OPCML: variants seen among roughly 807,000 people sequenced by gnomAD.
OPCML encodes opioid binding protein/cell adhesion molecule like.
Under a neutral mutation model 37.8 loss-of-function variants are expected in OPCML, and 13 were observed. The ratio of observed to expected loss-of-function variants is 0.34; its 90% CI spans 0.22 to 0.55. OPCML has a LOEUF of 0.55. Among genes scored for constraint, OPCML ranks in the 20% least tolerant of loss-of-function variants. The pLI, the probability that OPCML is intolerant of heterozygous loss-of-function variation, is 0.91. For synonymous variants in OPCML, 176 were observed against 168.8 expected, an observed-to-expected ratio of 1.04 and a Z score of -0.33; for missense variants, 341 against 435.6, an observed-to-expected ratio of 0.78 and a Z score of 1.93.
chr11:133,145,683 G>A (rs754048), intron 1 of OPCML, among the ~76,000 whole-genome samples: 21,800 of 152,230 alleles, frequency 0.14, 1,750 homozygotes, highest in East Asian at 0.2. Context: ...ATAAGAAAGA[G>A]CGTGGAGGTA....
At chr11:132,575,352 T>C (rs2096447922) in intron 3 of OPCML, among the ~76,000 whole-genome samples, 1 of 152,032 alleles carries the variant, frequency 6.6e-6, no homozygotes, top group African/African-American at 2.4e-5. Flanking sequence ...TTCCTTTGTG[T>C]TTTACTATTT....
chr11:132,982,066 C>T (rs552166173), intron 1 of OPCML, among the ~76,000 whole-genome samples: 76 of 152,226 alleles, frequency 5.0e-4, no homozygotes, highest in South Asian at 2.5e-3. Context: ...TTCTACGGCT[C>T]GAATACGGGC....
At chr11:132,866,938 G>A (rs1421210557) in intron 2 of OPCML, among the ~76,000 whole-genome samples, 1 of 152,186 alleles carries the variant, frequency 6.6e-6, no homozygotes, top group African/African-American at 2.4e-5. Flanking sequence ...ACTTCTAAAT[G>A]TGTGAGTAGT....
chr11:132,498,977 T>C (rs2096239818), intron 4 of OPCML, among the ~76,000 whole-genome samples: 1 of 152,252 alleles, frequency 6.6e-6, no homozygotes, highest in Admixed American at 6.5e-5. Flanking sequence ...GTACAATTCC[T>C]ATGGAGATAC....
intron 7 of OPCML, among the ~76,000 whole-genome samples, chr11:132,434,983 A>G (rs1159068832): frequency 6.6e-6 from 1 of 152,250 alleles, no homozygotes; most frequent in Non-Finnish European, 1.5e-5. Context: ...TTTGAAAGCC[A>G]TCATATTCTA....
At chr11:133,099,442 C>CTTTTTTTTTTTTTTT (rs35161811) in intron 1 of OPCML, among the ~76,000 whole-genome samples, 9 of 119,478 alleles carry the variant, frequency 7.5e-5, no homozygotes, top group Non-Finnish European at 1.4e-4. Flanking sequence ...TTCTTTTTTT[C>CTTTTTTTTTTTTTTT]TTTTTTTTTT....
At chr11:132,882,317 C>T (rs1051060808) in intron 2 of OPCML, among the ~76,000 whole-genome samples, 1 of 152,098 alleles carries the variant, frequency 6.6e-6, no homozygotes, top group Admixed American at 6.6e-5. Context: ...AAATCAAATC[C>T]AGTACATCAT....
chr11:132,913,887 C>T (rs990871653), intron 2 of OPCML, among the ~76,000 whole-genome samples: 2 of 152,224 alleles, frequency 1.3e-5, no homozygotes, highest in Non-Finnish European at 2.9e-5. Context: ...GCACTCTCGA[C>T]GGACTCCTCC....
intron 1 of OPCML, among the ~76,000 whole-genome samples, chr11:133,341,320 T>C (rs931366652): frequency 6.6e-6 from 1 of 152,156 alleles, no homozygotes; most frequent in African/African-American, 2.4e-5. Context: ...TTTCTGTGAG[T>C]CTCAGCCTTC....
rs191880057 is a variant in OPCML, at chr11:133,174,385, G to A, written c.62-231375C>T. ...CTCAAAAGCCCCATTCCCTGTGCCTGGTAGTGAAATAAGGCAGCTAAACCT... is the reference window on the plus strand; with the variant it reads ...CTCAAAAGCCCCATTCCCTGTGCCTAGTAGTGAAATAAGGCAGCTAAACCT... On this transcript the variant is annotated intron_variant, in intron 1 of 7. Transcript: ENST00000524381. This position sits in a 1 kb window ranked among gnomAD's most constrained non-coding sequence, Gnocchi z 4.6. Among the ~76,000 whole-genome samples the A allele has an allele frequency of 5.3e-5, 8 of 152,210 alleles. No individual in the cohort carries two copies. In the East Asian group the frequency reaches 1.6e-3, roughly 29 times the overall value.
chr11:133,041,060 T>C (rs903863761), intron 1 of OPCML, among the ~76,000 whole-genome samples: 1 of 152,152 alleles, frequency 6.6e-6, no homozygotes, highest in Non-Finnish European at 1.5e-5. Flanking sequence ...GGATTAACTA[T>C]TTTGGAGAGT....
intron 2 of OPCML, among the ~76,000 whole-genome samples, chr11:132,695,199 G>A (rs1424364894): frequency 2.0e-4 from 31 of 152,092 alleles, no homozygotes; most frequent in Admixed American, 2.0e-3. Flanking sequence ...GAGAGTGAGA[G>A]ACTGTTCATT....
intron 1 of OPCML, among the ~76,000 whole-genome samples, chr11:133,057,147 C>T (rs886967647): frequency 5.3e-5 from 8 of 152,150 alleles, no homozygotes; most frequent in East Asian, 1.9e-4. Flanking sequence ...CTGGCTAGGT[C>T]GCTTACTCTT....
intron 1 of OPCML, among the ~76,000 whole-genome samples, chr11:133,357,874 G>A (rs1026043757): frequency 2.0e-5 from 3 of 151,958 alleles, no homozygotes; most frequent in East Asian, 1.9e-4. Context: ...CATCACAATC[G>A]TAACTACATG....
intron 3 of OPCML, among the ~76,000 whole-genome samples, chr11:132,530,184 C>A (rs1400815614): frequency 1.3e-5 from 2 of 152,090 alleles, no homozygotes; most frequent in African/African-American, 4.8e-5. Context: ...ACAGAAAAAA[C>A]ATATTTCACA....
intron 3 of OPCML, among the ~76,000 whole-genome samples, chr11:132,565,834 A>G (rs1307396850): frequency 6.6e-6 from 1 of 152,180 alleles, no homozygotes; most frequent in African/African-American, 2.4e-5. Flanking sequence ...GGAGTTCAAG[A>G]CTAGCCTGGC....
At chr11:133,392,763 A>T (rs1048324078) in intron 1 of OPCML, among the ~76,000 whole-genome samples, 1 of 152,212 alleles carries the variant, frequency 6.6e-6, no homozygotes, top group African/African-American at 2.4e-5. Flanking sequence ...CAGTCCATAC[A>T]TTGCAAAATG....
chr11:133,241,600 C>G (rs1472527143), intron 1 of OPCML, among the ~76,000 whole-genome samples: 2 of 152,340 alleles, frequency 1.3e-5, no homozygotes, highest in Non-Finnish European at 2.9e-5. Context: ...ACCTAACTAG[C>G]CTTCGCTCAC....
chr11:132,435,655 C>T (rs2096010573), intron 7 of OPCML, among the ~76,000 whole-genome samples: 1 of 152,168 alleles, frequency 6.6e-6, no homozygotes, highest in South Asian at 2.1e-4. Flanking sequence ...CATTCTTCCC[C>T]ATGGATGAGA....
Sources: allele counts gnomAD v4.1 joint callset (sites outside exome capture counted in the v4.1 genomes callset), GRCh38; gene constraint gnomAD v4.1.1; non-coding constraint Gnocchi (gnomAD v3.1); transcripts MANE v1.5; gene names NCBI Gene and HGNC (gene_info 2026-07-23, HGNC 2026-07-21).